SDS: variants seen among roughly 807,000 people sequenced by gnomAD.
SDS encodes L-serine dehydratase/L-threonine deaminase.
SDS carries 19 observed loss-of-function variants against 29.3 expected under a neutral mutation model. That is an observed-to-expected ratio of 0.65 (90% confidence interval 0.45 to 0.95). The LOEUF is 0.95. Ranked by LOEUF, SDS falls within the 40% of genes least tolerant of loss-of-function variation. The pLI, the probability that SDS is intolerant of heterozygous loss-of-function variation, is 0.00. For missense variants in SDS, 375 were observed against 439.9 expected (o/e 0.85, Z 1.32); for synonymous variants, 176 against 189.0 (o/e 0.93, Z 0.56).
In SDS at chr12:113,397,720, G is replaced by A. The variant is rs549584320; in HGVS notation, c.426-328C>T. Reference sequence around the variant, plus strand: ...TTCTGCACTGGCTCCCAGGGTCCCCGAGGGATTAAGCTCTAGCCACCCACA... The same window carrying A: ...TTCTGCACTGGCTCCCAGGGTCCCCAAGGGATTAAGCTCTAGCCACCCACA... On this transcript the variant is annotated intron_variant, in intron 5 of 7. Coordinates refer to ENST00000257549, the MANE Select transcript of SDS (RefSeq NM_006843.3). 3.3e-5 allele frequency among the ~76,000 whole-genome samples: 5 copies of A among 152,278 alleles called. No individual in the cohort carries two copies. The South Asian group carries it at 8.3e-4, about 25-fold the overall frequency.
chr12:113,397,384 T>C lies in SDS; in HGVS notation c.434A>G (p.His145Arg). 6 of 1,607,122 alleles carry C rather than the reference T, an allele frequency of 3.7e-6. No homozygotes were observed. The highest frequency in any genetic ancestry group is 5.1e-6 in the Non-Finnish European group (6 of 1,175,006). ...PFDDPLIWEG[H>R]ASIVKELKET... ...CTTCAGCTCTTTCACGATGGAAGCGTGGCCTTCCCTGGAGGGTGGGGAGAG... is the reference window on the plus strand; with the variant it reads ...CTTCAGCTCTTTCACGATGGAAGCGCGGCCTTCCCTGGAGGGTGGGGAGAG... Residue 145 changes from histidine to arginine, a missense_variant, in exon 6 of 8, where the codon CAC (histidine) becomes CGC (arginine). By Grantham distance (29) the His-to-Arg change is conservative. Coordinates refer to ENST00000257549, the MANE Select transcript of SDS (RefSeq NM_006843.3).
chr12:113,395,593 G>A (rs1409339982), intron 6 of SDS, among the ~76,000 whole-genome samples: 1 of 152,216 alleles, frequency 6.6e-6, no homozygotes, highest in African/African-American at 2.4e-5. Context: ...GAAGGTTGGA[G>A]CATAGCCTTC....
At chr12:113,400,500 C>T (rs1359602610) in intron 1 of SDS, among the ~76,000 whole-genome samples, 2 of 151,366 alleles carry the variant, frequency 1.3e-5, no homozygotes, top group African/African-American at 2.4e-5. Flanking sequence ...GTCTATCTAT[C>T]TATGTGAAAA....
Position 113,393,161 on chromosome 12 carries a change from G to T in SDS, c.779-12C>A. ...GATCTTCTCATCATCTGCCAGAGAA[G>T]GGGCGTGACAGGGGCGTGGCCTGAG... On this transcript the variant is annotated splice_polypyrimidine_tract_variant and intron_variant, in intron 7 of 7. Transcript: ENST00000257549. The T allele has an allele frequency of 6.2e-7, 1 of 1,613,052 alleles. No homozygotes were observed. Among genetic ancestry groups the T allele is most frequent in the South Asian group, 1.1e-5 (1 of 91,034 alleles).
At chr12:113,398,331 A>G (rs1593298308) in intron 5 of SDS, among the ~76,000 whole-genome samples, 184 bp downstream of exon 5, 1 of 152,180 alleles carries the variant, frequency 6.6e-6, no homozygotes, top group Non-Finnish European at 1.5e-5. Context: ...TTGGCCTCCC[A>G]AAGTGCTGGG....
chr12:113,402,303 T>C (rs181421716), intron 1 of SDS, among the ~76,000 whole-genome samples: 169 of 152,230 alleles, frequency 1.1e-3, no homozygotes, highest in African/African-American at 3.8e-3. Context: ...GGTTTTTATT[T>C]AGTTATTTTT....
At chr12:113,399,400 C>T (rs764717954) in intron 2 of SDS, 156 bp downstream of exon 2, 1 of 1,009,806 alleles carries the variant, frequency 9.9e-7, no homozygotes, top group Non-Finnish European at 1.4e-6. Context: ...GGGCACCCCT[C>T]AAACAGAGGA....
intron 5 of SDS, 125 bp downstream of exon 5, chr12:113,398,390 T>C: frequency 1.5e-6 from 1 of 652,618 alleles, no homozygotes; most frequent in South Asian, 2.0e-5. Flanking sequence ...TTCTACATGG[T>C]GGTGTGCGCA....
intron 1 of SDS, among the ~76,000 whole-genome samples, chr12:113,401,172 C>G (rs757190814): frequency 1.8e-4 from 27 of 152,030 alleles, no homozygotes; most frequent in Non-Finnish European, 3.4e-4. Context: ...ACATGCAGTT[C>G]CAAGTATCTT....
At chr12:113,398,992 T>G (rs942440256) in intron 3 of SDS, 120 bp downstream of exon 3, 2 of 1,546,226 alleles carry the variant, frequency 1.3e-6, no homozygotes, top group Non-Finnish European at 1.8e-6. Context: ...GAATTCCAAA[T>G]TGGTGGCTGC....
chr12:113,399,087 C>T, intron 3 of SDS, 25 bp downstream of exon 3: 1 of 1,613,740 alleles, frequency 6.2e-7, no homozygotes, highest in East Asian at 2.2e-5. Flanking sequence ...CAGCAGAGGA[C>T]AGGATGGGGA....
intron 2 of SDS, 104 bp from the exon 3 acceptor site, chr12:113,399,255 T>C (rs1287384893): frequency 8.1e-7 from 1 of 1,232,340 alleles, no homozygotes; most frequent in African/African-American, 1.5e-5. Context: ...GACACGGACG[T>C]TTCCTTCACT....
chr12:113,392,885 A>G lies in SDS; in HGVS notation c.*56T>C, dbSNP rs943687108. On this transcript the variant is annotated 3_prime_UTR_variant, in exon 8 of 8. Coordinates refer to ENST00000257549, the MANE Select transcript of SDS (RefSeq NM_006843.3). ...ACGACGAGGCGCTGGATAAAACTCC[A>G]GCCCCTCCAGGGGTCTCTTGGGCTA... The G allele has an allele frequency of 2.6e-6, 4 of 1,525,684 alleles. No individual in the cohort carries two copies. In the African/African-American group the frequency reaches 4.1e-5, roughly 16 times the overall value. 94.5% of individuals were successfully genotyped at this position (1,525,684 alleles called of 1,614,324 possible). A position where few individuals can be genotyped will look rare whatever the true frequency, so the allele number is the denominator to read the frequency against.
chr12:113,401,112 T>TCAAA (rs112865480), intron 1 of SDS, among the ~76,000 whole-genome samples: 1,738 of 152,082 alleles, frequency 0.011, 38 homozygotes, highest in African/African-American at 0.039. Context: ...AGACTCTGTC[T>TCAAA]CAAACAAACA....
chr12:113,397,687 T>A (rs1297285909), intron 5 of SDS, among the ~76,000 whole-genome samples: 2 of 152,216 alleles, frequency 1.3e-5, no homozygotes, highest in African/African-American at 2.4e-5. Flanking sequence ...GGGAAACTGC[T>A]GTGCGCCTTC....
chr12:113,396,372 TTC>T (rs1051549984), intron 6 of SDS, among the ~76,000 whole-genome samples: 12 of 150,354 alleles, frequency 8.0e-5, no homozygotes, highest in Admixed American at 6.0e-4. Flanking sequence ...TTCTTTCTCT[TTC>T]TCTCTTTTTC....
chr12:113,400,856 A>G (rs1957680566), intron 1 of SDS, among the ~76,000 whole-genome samples: 1 of 151,912 alleles, frequency 6.6e-6, no homozygotes, highest in South Asian at 2.1e-4. Context: ...AAATGCATAC[A>G]TTTAAAAAAA....
At chr12:113,397,443 C>T (rs1287607329) in intron 5 of SDS, 51 bp from the exon 6 acceptor site, 3 of 1,478,370 alleles carry the variant, frequency 2.0e-6, no homozygotes, top group Non-Finnish European at 1.9e-6. Context: ...TTCCTGGAGA[C>T]ACCAGCTCAG....
intron 6 of SDS, among the ~76,000 whole-genome samples, chr12:113,394,248 A>C (rs894160211): frequency 1.3e-5 from 2 of 151,254 alleles, no homozygotes; most frequent in Admixed American, 1.3e-4. Context: ...CATATAGTAT[A>C]TTCTTTAGTA....
Sources: gnomAD v4.1 joint callset for allele counts (sites outside exome capture counted in the v4.1 genomes callset) on GRCh38, gnomAD v4.1.1 for gene constraint, MANE v1.5 for transcripts, NCBI Gene and HGNC (gene_info 2026-07-23, HGNC 2026-07-21) for gene names.